Variants in RASAL2 observed in about 807,000 individuals in gnomAD.
RASAL2 encodes RAS protein activator like 2.
A neutral mutation model predicts 128.9 loss-of-function variants in RASAL2; 58 were observed. The observed-to-expected ratio is 0.45, with a 90% CI of 0.36 to 0.56. The LOEUF (loss-of-function observed/expected upper bound fraction) is 0.56. Among genes scored for constraint, RASAL2 ranks in the 20% least tolerant of loss-of-function variants. The probability of loss-of-function intolerance (pLI) is 0.00; values close to 1 mark genes in which losing one functional copy is unlikely to be tolerated. For missense variants in RASAL2, 1,360 were observed against 1,601.6 expected (o/e 0.85, Z 2.57); for synonymous variants, 561 against 580.8 (o/e 0.97, Z 0.49).
intron 1 of RASAL2, among the ~76,000 whole-genome samples, chr1:178,188,701 A>C (rs1252493302): frequency 1.3e-5 from 2 of 152,158 alleles, no homozygotes; most frequent in African/African-American, 4.8e-5. Context: ...GGATTCTATG[A>C]TTCTTAAGCT....
intron 3 of RASAL2, among the ~76,000 whole-genome samples, chr1:178,350,224 C>G (rs191979543): frequency 1.3e-5 from 2 of 152,236 alleles, no homozygotes; most frequent in East Asian, 1.9e-4. Flanking sequence ...CCTTCTCTCT[C>G]TCTTTCTCTG....
chr1:178,356,292 A>G (rs1670807645), intron 3 of RASAL2, among the ~76,000 whole-genome samples: 1 of 152,130 alleles, frequency 6.6e-6, no homozygotes, highest in African/African-American at 2.4e-5. Flanking sequence ...CTACATTGCT[A>G]GTGGGAGTAA....
At chr1:178,099,073 C>T (rs1441632366) in intron 1 of RASAL2, among the ~76,000 whole-genome samples, 2 of 152,126 alleles carry the variant, frequency 1.3e-5, no homozygotes, top group East Asian at 1.9e-4. Flanking sequence ...TTAAAAGTTA[C>T]GTTTCTAGAG....
At chr1:178,426,371 A>G (rs888906981) in intron 5 of RASAL2, among the ~76,000 whole-genome samples, 2 of 152,106 alleles carry the variant, frequency 1.3e-5, no homozygotes, top group Non-Finnish European at 2.9e-5. Context: ...CAACCTTGAA[A>G]ACACTGAAGT....
At chr1:178,313,500 TTC>T (rs987995051) in intron 3 of RASAL2, among the ~76,000 whole-genome samples, 1 of 151,972 alleles carries the variant, frequency 6.6e-6, no homozygotes, top group Non-Finnish European at 1.5e-5. Flanking sequence ...TTTTTTTTTT[TTC>T]TGTTTTGAGA....
chr1:178,130,334 A>G (rs1660058493), intron 1 of RASAL2, among the ~76,000 whole-genome samples: 1 of 152,176 alleles, frequency 6.6e-6, no homozygotes, highest in South Asian at 2.1e-4. Context: ...AAAATGTTTA[A>G]TTAAGTTTCT....
At chr1:178,403,104 A>G (rs1293629927) in intron 4 of RASAL2, among the ~76,000 whole-genome samples, 4 of 152,204 alleles carry the variant, frequency 2.6e-5, no homozygotes, top group African/African-American at 9.6e-5. Flanking sequence ...TATATAGAGT[A>G]TGTATGACAT....
intron 1 of RASAL2, among the ~76,000 whole-genome samples, chr1:178,125,137 A>C (rs1659850809): frequency 6.6e-6 from 1 of 152,186 alleles, no homozygotes; most frequent in South Asian, 2.1e-4. Context: ...TGCTTCCTTT[A>C]ATCTTATTTC....
chr1:178,188,841 A>T (rs1226108232), intron 1 of RASAL2, among the ~76,000 whole-genome samples: 2 of 152,174 alleles, frequency 1.3e-5, no homozygotes, highest in East Asian at 3.9e-4. Flanking sequence ...GATGAACCAC[A>T]GGAGTCACTA....
intron 1 of RASAL2, chr1:178,194,469 C>A: frequency 5.0e-6 from 1 of 199,488 alleles, no homozygotes; most frequent in Non-Finnish European, 1.1e-5. Flanking sequence ...TCTGGAAGTA[C>A]AGGAGAAGCT....
chr1:178,372,705 G>A (rs1671783290), intron 3 of RASAL2, among the ~76,000 whole-genome samples: 1 of 152,154 alleles, frequency 6.6e-6, no homozygotes, highest in Admixed American at 6.6e-5. Context: ...TAGGCTTTGT[G>A]TGCATGAAAA....
chr1:178,373,209 T>C (rs1429334423), intron 3 of RASAL2, among the ~76,000 whole-genome samples: 1 of 149,582 alleles, frequency 6.7e-6, no homozygotes, highest in Non-Finnish European at 1.5e-5. Context: ...TTTGAAAATC[T>C]TTCTTATAGT....
At chr1:178,178,757 TAGG>T (rs1661977067) in intron 1 of RASAL2, among the ~76,000 whole-genome samples, 1 of 152,046 alleles carries the variant, frequency 6.6e-6, no homozygotes, top group South Asian at 2.1e-4. Context: ...ACCTGGAAAA[TAGG>T]AGAAGATGCA....
At chr1:178,429,003 G>A (rs1218613503) in intron 5 of RASAL2, among the ~76,000 whole-genome samples, 12 of 152,064 alleles carry the variant, frequency 7.9e-5, no homozygotes, top group Non-Finnish European at 1.8e-4. Context: ...TGCTCACTGA[G>A]CCTAACAGAA....
intron 2 of RASAL2, among the ~76,000 whole-genome samples, chr1:178,299,662 T>A (rs918287265): frequency 1.3e-5 from 2 of 152,052 alleles, no homozygotes; most frequent in Non-Finnish European, 2.9e-5. Context: ...CACGCCCAGC[T>A]AATTTTTGTA....
intron 1 of RASAL2, among the ~76,000 whole-genome samples, chr1:178,174,417 A>T (rs2101916702): frequency 6.6e-6 from 1 of 152,202 alleles, no homozygotes; most frequent in Non-Finnish European, 1.5e-5. Flanking sequence ...AAGCTGGAAA[A>T]TTTAAAAAGC....
At chr1:178,333,114 C>A (rs1040184061) in intron 3 of RASAL2, among the ~76,000 whole-genome samples, 2 of 151,836 alleles carry the variant, frequency 1.3e-5, no homozygotes, top group Non-Finnish European at 1.5e-5. Flanking sequence ...CTGCAAGCTC[C>A]GCCTCCCGGG....
chr1:178,113,511 A>AGTGT (rs61642582), intron 1 of RASAL2, among the ~76,000 whole-genome samples: 3,554 of 122,120 alleles, frequency 0.029, 68 homozygotes, highest in East Asian at 0.049. Flanking sequence ...CATGCCTGCG[A>AGTGT]GTGTGTGTGT....
chr1:178,122,004 C>G (rs1163649733), intron 1 of RASAL2, among the ~76,000 whole-genome samples: 4 of 151,908 alleles, frequency 2.6e-5, no homozygotes, highest in Admixed American at 2.6e-4. Flanking sequence ...TTTGGAGGCT[C>G]TTTAAGAGCT....
Sources: allele counts gnomAD v4.1 joint callset (sites outside exome capture counted in the v4.1 genomes callset), GRCh38; gene constraint gnomAD v4.1.1; transcripts MANE v1.5; gene names NCBI Gene and HGNC (gene_info 2026-07-23, HGNC 2026-07-21).